Variants in PRDM11 observed in about 807,000 individuals in gnomAD.
PRDM11 encodes the protein PR domain-containing protein 11.
In PRDM11, 20 loss-of-function variants were observed where a neutral mutation model predicts 97.8. The ratio of observed to expected loss-of-function variants is 0.20; its 90% confidence interval spans 0.14 to 0.30. PRDM11 has a LOEUF of 0.30. PRDM11 is among the 10% of genes least tolerant of loss of function. PRDM11 has a pLI of 1.00. For synonymous variants in PRDM11, 599 were observed against 637.7 expected, an observed-to-expected ratio of 0.94 and a Z score of 0.91; for missense variants, 1,139 against 1,555.2, an observed-to-expected ratio of 0.73 and a Z score of 4.50.
intron 1 of PRDM11, among the ~76,000 whole-genome samples, chr11:45,173,664 T>G (rs1852259087): frequency 6.7e-6 from 1 of 150,200 alleles, no homozygotes; most frequent in African/African-American, 2.4e-5. Flanking sequence ...GGGACCGCCT[T>G]GGGAGAATGT....
At chr11:45,109,089 C>T (rs887082834) in intron 1 of PRDM11, among the ~76,000 whole-genome samples, 3 of 152,206 alleles carry the variant, frequency 2.0e-5, no homozygotes, top group East Asian at 1.9e-4. Flanking sequence ...GGCTGGAAAC[C>T]GAAAAATGTT....
At chr11:45,128,961 A>G (rs1333310949) in intron 1 of PRDM11, among the ~76,000 whole-genome samples, 1 of 152,180 alleles carries the variant, frequency 6.6e-6, no homozygotes, top group Non-Finnish European at 1.5e-5. Context: ...ACATACAAAA[A>G]TTATATATCA....
intron 1 of PRDM11, among the ~76,000 whole-genome samples, chr11:45,129,860 G>A (rs181106017): frequency 5.3e-5 from 8 of 152,240 alleles, no homozygotes; most frequent in East Asian, 3.9e-4. Context: ...TGGAGGACTC[G>A]TACCATCAGA....
intron 1 of PRDM11, among the ~76,000 whole-genome samples, chr11:45,119,656 G>T (rs1852387077): frequency 7.0e-6 from 1 of 142,690 alleles, no homozygotes; most frequent in South Asian, 2.2e-4. Context: ...AAAACACCTG[G>T]TAAGGCCATA....
chr11:45,153,070 C>G (rs1392824325), intron 1 of PRDM11, among the ~76,000 whole-genome samples: 3 of 152,230 alleles, frequency 2.0e-5, no homozygotes, highest in Non-Finnish European at 4.4e-5. Flanking sequence ...CTGAGAGTGA[C>G]CATTCCCAGG....
chr11:45,177,206 A>G (rs1408796946), intron 1 of PRDM11, among the ~76,000 whole-genome samples: 1 of 152,232 alleles, frequency 6.6e-6, no homozygotes, highest in African/African-American at 2.4e-5. Context: ...ACAGAGCTGC[A>G]GACTCCTGGG....
chr11:45,220,801 A>C (rs1187945376), intron 6 of PRDM11, among the ~76,000 whole-genome samples: 2 of 152,238 alleles, frequency 1.3e-5, no homozygotes, highest in African/African-American at 4.8e-5. Context: ...ATCCAGAAGC[A>C]GTTTTAACTA....
chr11:45,101,571 AAG>A lies in PRDM11; in HGVS notation c.96+5672_96+5673del, dbSNP rs1565220006. Among the ~76,000 whole-genome samples the A allele has an allele frequency of 6.7e-4, 75 of 112,388 alleles. 2 individuals carry two copies. The highest frequency in any genetic ancestry group is 2.0e-3 in the African/African-American group (51 of 24,914). The allele number at this position is 112,388 out of a possible 152,430, so 73.7% of individuals were successfully genotyped here. A position where few individuals can be genotyped will look rare whatever the true frequency, so the allele number is the denominator to read the frequency against. On this transcript the variant is annotated intron_variant, in intron 1 of 6. Transcript: ENST00000530656. ...ACTCTGTCTCAAAAAAAAAAAAAAG[AAG>A]AAGAAGAAGAAGAAGAAGAAGAAGA...
In PRDM11 at chr11:45,230,772, A is replaced by G. The variant is rs541526418; in HGVS notation, c.*2613A>G. The stretch of plus-strand genomic sequence containing the variant: ...GGCTAAGGCTCCCGCTCATTTGAAA[A>G]CCAGGAAGAGAGAACCAGTGTCTTC... On this transcript the variant is annotated 3_prime_UTR_variant, in exon 8 of 8. Transcript: ENST00000683152. 3 of 152,278 alleles carry G rather than the reference A, an allele frequency of 2.0e-5. No homozygotes were observed. Among genetic ancestry groups the G allele is most frequent in the African/African-American group, 7.2e-5 (3 of 41,550 alleles). 9.4% of individuals were successfully genotyped at this position (152,278 alleles called of 1,614,324 possible). A position where few individuals can be genotyped will look rare whatever the true frequency, so the allele number is the denominator to read the frequency against.
At chr11:45,209,153 G>C (rs963646582) in intron 5 of PRDM11, 2 of 454,816 alleles carry the variant, frequency 4.4e-6, no homozygotes, top group Admixed American at 2.4e-5. Flanking sequence ...AGTCCCTGTC[G>C]GGCCCTGGGG....
chr11:45,204,340 C>T (rs1274028251), intron 4 of PRDM11, among the ~76,000 whole-genome samples: 2 of 152,180 alleles, frequency 1.3e-5, no homozygotes, highest in East Asian at 3.9e-4. Flanking sequence ...TTGGTTTAGC[C>T]TTTGTAGTTG....
intron 5 of PRDM11, chr11:45,214,560 C>T (rs189243461): frequency 1.3e-5 from 2 of 152,270 alleles, no homozygotes; most frequent in African/African-American, 4.8e-5. Context: ...GGCTCCATCT[C>T]CCCATTCTGT....
chr11:45,221,292 T>G (rs1854114323), intron 6 of PRDM11, among the ~76,000 whole-genome samples: 1 of 152,174 alleles, frequency 6.6e-6, no homozygotes, highest in Middle Eastern at 3.2e-3. Context: ...TGTGCTTCCA[T>G]GATGAGGCTG....
rs142737352 is a variant in PRDM11 at position 45,104,830 on chromosome 11, G to A, written c.96+8929G>A. Among the ~76,000 whole-genome samples, 403 of 152,274 alleles carry A rather than the reference G, an allele frequency of 2.6e-3. 1 individual carries two copies. Among genetic ancestry groups the A allele is most frequent in the African/African-American group, 9.3e-3 (385 of 41,560 alleles). ...ATTCAGATCGGGGACCCAGAGTTGGGTTCTCGATGCCTTGTGATGTCCAAG... is the reference window on the plus strand; with the variant it reads ...ATTCAGATCGGGGACCCAGAGTTGGATTCTCGATGCCTTGTGATGTCCAAG... On this transcript the variant is annotated intron_variant, in intron 1 of 6. Transcript: ENST00000530656.
chr11:45,094,362 G>A (rs1317559769), upstream of PRDM11, among the ~76,000 whole-genome samples: 1 of 151,918 alleles, frequency 6.6e-6, no homozygotes, highest in Non-Finnish European at 1.5e-5. Context: ...CTGCCACCCA[G>A]GCTGCCCCTG....
At chr11:45,192,844 A>G (rs968789320) in intron 4 of PRDM11, among the ~76,000 whole-genome samples, 1 of 152,224 alleles carries the variant, frequency 6.6e-6, no homozygotes, top group Non-Finnish European at 1.5e-5. Flanking sequence ...ACACATATAA[A>G]ATTAACTACA....
At chr11:45,154,570 G>T (rs1316818730) in intron 1 of PRDM11, among the ~76,000 whole-genome samples, 1 of 152,086 alleles carries the variant, frequency 6.6e-6, no homozygotes, top group Non-Finnish European at 1.5e-5. Flanking sequence ...CTTAGATCAG[G>T]GGTTGGTGCT....
intron 5 of PRDM11, among the ~76,000 whole-genome samples, chr11:45,218,145 T>C (rs1023277526): frequency 1.3e-5 from 2 of 152,196 alleles, no homozygotes; most frequent in African/African-American, 4.8e-5. Flanking sequence ...CGAAATCTTA[T>C]CTAGTATTAG....
In PRDM11 at chr11:45,102,358, G is replaced by C. The variant is rs74504287; in HGVS notation, c.96+6457G>C. On this transcript the variant is annotated intron_variant, in intron 1 of 6. Transcript: ENST00000530656. ...GATGTGTGTTTAATGATCCCCAAAG[G>C]CTCTTCCTGTCTTAGTTTCTGGAAA... 9.5e-4 allele frequency among the ~76,000 whole-genome samples: 145 copies of C among 152,342 alleles called. 1 individual carries two copies. In the East Asian group the frequency reaches 0.02, roughly 21 times the overall value.
Sources: allele counts gnomAD v4.1 joint callset (sites outside exome capture counted in the v4.1 genomes callset), GRCh38; gene constraint gnomAD v4.1.1; transcripts MANE v1.5; gene names NCBI Gene and HGNC (gene_info 2026-07-23, HGNC 2026-07-21).